The following GPRIN3 variants were observed in gnomAD, a reference collection of about 807,000 sequenced individuals.
The protein encoded by GPRIN3 is GPRIN family member 3, also known as G protein-regulated inducer of neurite outgrowth 3.
Under a neutral mutation model 13.7 loss-of-function variants are expected in GPRIN3, and 12 were observed. That is an observed-to-expected ratio of 0.87 (90% CI 0.56 to 1.42). The LOEUF is 1.42. GPRIN3 is among the 40% of genes most tolerant of loss of function. The pLI is 0.00. For synonymous variants in GPRIN3, 377 were observed against 372.7 expected (o/e 1.01, Z -0.13); for missense variants, 1,009 against 958.7 (o/e 1.05, Z -0.69).
intron 1 of GPRIN3, among the ~76,000 whole-genome samples, chr4:89,268,310 A>G (rs536822909): frequency 2.0e-5 from 3 of 152,364 alleles, no homozygotes; most frequent in East Asian, 3.9e-4. Context: ...AAATTATTAC[A>G]GAAGTGGCAT....
At chr4:89,307,076 T>A (rs1725052262) in intron 1 of GPRIN3, among the ~76,000 whole-genome samples, 2 of 152,118 alleles carry the variant, frequency 1.3e-5, no homozygotes, top group Non-Finnish European at 2.9e-5. Context: ...TTAGTGAACA[T>A]GTCTCTACAA....
At chr4:89,274,163 G>T (rs1038075200) in intron 1 of GPRIN3, among the ~76,000 whole-genome samples, 2 of 152,186 alleles carry the variant, frequency 1.3e-5, no homozygotes, top group Non-Finnish European at 2.9e-5. Context: ...AATCTAGCAC[G>T]TACAGCAACA....
intron 1 of GPRIN3, among the ~76,000 whole-genome samples, chr4:89,303,556 T>A (rs1291537553): frequency 1.3e-5 from 2 of 151,958 alleles, no homozygotes; most frequent in Non-Finnish European, 2.9e-5. Flanking sequence ...CATAAAATAA[T>A]TAACAACTCA....
At position 89,239,203 on chromosome 4, in the gene GPRIN3, T is replaced by C. The variant is rs781453627; in HGVS notation, c.*8577A>G. The stretch of plus-strand genomic sequence containing the variant: ...ATATTAATACATTCATAAATGGACT[T>C]TCCATTTTGAATATTTTTTCTTGTA... On this transcript the variant is annotated 3_prime_UTR_variant, in exon 2 of 2. Transcript: ENST00000609438. The C allele has an allele frequency of 4.6e-5, 7 of 152,140 alleles. No homozygotes were observed. The highest frequency in any genetic ancestry group is 8.8e-5 in the Non-Finnish European group (6 of 68,002). The allele number at this position is 152,140 out of a possible 1,614,324, so 9.4% of individuals were successfully genotyped here.
chr4:89,279,916 C>T (rs181075580), intron 1 of GPRIN3, among the ~76,000 whole-genome samples: 115 of 152,308 alleles, frequency 7.6e-4, no homozygotes, highest in African/African-American at 2.6e-3. Context: ...CATCTCCAGC[C>T]AGAGCTCCCT....
chr4:89,300,840 A>G (rs1479628098), intron 1 of GPRIN3, among the ~76,000 whole-genome samples: 1 of 152,230 alleles, frequency 6.6e-6, no homozygotes, highest in African/African-American at 2.4e-5. Context: ...CCAACCAAGG[A>G]TGCAGGTGAA....
chr4:89,301,104 C>T (rs1399827522), intron 1 of GPRIN3, among the ~76,000 whole-genome samples: 2 of 152,226 alleles, frequency 1.3e-5, no homozygotes, highest in African/African-American at 4.8e-5. Context: ...TTGCTGCAAT[C>T]ATGGAGCTTG....
intron 1 of GPRIN3, among the ~76,000 whole-genome samples, chr4:89,270,575 A>ATATATTTATATATGTATATAATT (rs1561205475): frequency 3.1e-4 from 30 of 97,372 alleles, no homozygotes; most frequent in African/African-American, 1.8e-3. Flanking sequence ...TTATATATAT[A>ATATATTTATATATGTATATAATT]TATATATATA....
intron 1 of GPRIN3, among the ~76,000 whole-genome samples, chr4:89,301,091 G>A (rs541114019): frequency 6.6e-6 from 1 of 152,194 alleles, no homozygotes; most frequent in East Asian, 1.9e-4. Flanking sequence ...AATTACAAAA[G>A]TTTTGCTGCA....
chr4:89,293,321 T>C (rs534685106), intron 1 of GPRIN3, among the ~76,000 whole-genome samples: 1 of 152,334 alleles, frequency 6.6e-6, no homozygotes, highest in South Asian at 2.1e-4. Context: ...ATTCCCAGAA[T>C]TCCCTTTCCT....
intron 1 of GPRIN3, among the ~76,000 whole-genome samples, chr4:89,273,664 T>C (rs1357187105): frequency 6.6e-6 from 1 of 152,192 alleles, no homozygotes; most frequent in Non-Finnish European, 1.5e-5. Flanking sequence ...CCAGCTTGGG[T>C]GACAGAGTGA....
intron 1 of GPRIN3, among the ~76,000 whole-genome samples, chr4:89,304,038 A>G (rs115052686): frequency 0.012 from 1,815 of 152,228 alleles, 16 homozygotes; most frequent in Non-Finnish European, 0.019. Context: ...TAGACATGAA[A>G]TCAGCACCCC....
rs1561183874 is a variant in GPRIN3, at chr4:89,249,878, ATATC to A, written c.229_232del (p.Asp77CysfsTer49). ...TTCATTGAACACACCAGGAGAAGACATATCTGGTTGGGTGGTCTCATGCTCACAA... is the reference window on the plus strand; with the variant it reads ...TTCATTGAACACACCAGGAGAAGACATGGTTGGGTGGTCTCATGCTCACAA... On this transcript the variant is annotated frameshift_variant, in exon 2 of 2. Transcript: ENST00000609438. LOFTEE classifies it low-confidence loss of function (END_TRUNC). 1 of 1,614,178 alleles carries A rather than the reference ATATC, an allele frequency of 6.2e-7. No homozygotes were observed. The highest frequency in any genetic ancestry group is 8.5e-7 in the Non-Finnish European group (1 of 1,180,016).
At chr4:89,251,926 G>A (rs568841081) in intron 1 of GPRIN3, among the ~76,000 whole-genome samples, 68 of 151,952 alleles carry the variant, frequency 4.5e-4, no homozygotes, top group Admixed American at 1.2e-3. Context: ...AATCAGAAAT[G>A]ATTTAGGGCA....
At position 89,273,548 on chromosome 4, in the gene GPRIN3, G is replaced by A. The variant is rs529706295; in HGVS notation, c.-123-23315C>T. Among the ~76,000 whole-genome samples the A allele has an allele frequency of 2.2e-4, 34 of 152,252 alleles. No homozygotes were observed. The South Asian group carries it at 3.7e-3, about 17-fold the overall frequency. Reference sequence around the variant, plus strand: ...CTAAAAATACAAAAATTAGCTAGGCGTGGTGATGGGCACCTGTAATCCCAG... The same window carrying A: ...CTAAAAATACAAAAATTAGCTAGGCATGGTGATGGGCACCTGTAATCCCAG... On this transcript the variant is annotated intron_variant, in intron 1 of 1. Coordinates refer to ENST00000609438, the MANE Select transcript of GPRIN3 (RefSeq NM_198281.3).
intron 1 of GPRIN3, among the ~76,000 whole-genome samples, chr4:89,304,702 A>T (rs934894983): frequency 6.6e-6 from 1 of 152,158 alleles, no homozygotes; most frequent in Non-Finnish European, 1.5e-5. Flanking sequence ...ACACTATCAT[A>T]TGTTTGCCTT....
chr4:89,269,506 T>C (rs1723871325), intron 1 of GPRIN3, among the ~76,000 whole-genome samples: 1 of 152,200 alleles, frequency 6.6e-6, no homozygotes, highest in African/African-American at 2.4e-5. Context: ...CTCACTCTTT[T>C]CATAATGAAT....
intron 1 of GPRIN3, among the ~76,000 whole-genome samples, chr4:89,289,871 C>T (rs1486710937): frequency 3.3e-5 from 5 of 152,070 alleles, no homozygotes; most frequent in Non-Finnish European, 7.4e-5. Flanking sequence ...AAAAGTCTGT[C>T]AGTAACTTCT....
chr4:89,290,145 A>G (rs569494682), intron 1 of GPRIN3, among the ~76,000 whole-genome samples: 1 of 151,604 alleles, frequency 6.6e-6, no homozygotes, highest in South Asian at 2.1e-4. Context: ...TAATTTCTGT[A>G]TTTTTTGTAG....
Sources: allele counts gnomAD v4.1 joint callset (sites outside exome capture counted in the v4.1 genomes callset), GRCh38; gene constraint gnomAD v4.1.1; transcripts MANE v1.5; gene names NCBI Gene and HGNC (gene_info 2026-07-23, HGNC 2026-07-21).